ZNF529: variants seen among roughly 807,000 people sequenced by gnomAD.
The protein encoded by ZNF529 is zinc finger protein 529.
A neutral mutation model predicts 10.1 loss-of-function variants in ZNF529; 11 were observed. The observed-to-expected ratio is 1.09, with a 90% CI of 0.69 to 1.81. The LOEUF (loss-of-function observed/expected upper bound fraction) is 1.81. Among genes scored for constraint, ZNF529 ranks in the 40% most tolerant of loss-of-function variants. The pLI, the probability that ZNF529 is intolerant of heterozygous loss-of-function variation, is 0.00. For missense variants in ZNF529, 624 were observed against 666.8 expected (o/e 0.94, Z 0.71); for synonymous variants, 204 against 215.7 (o/e 0.95, Z 0.47).
chr19:36,547,909 G>A lies in ZNF529; in HGVS notation c.649C>T (p.Gln217Ter), dbSNP rs781768172. ...TTCACACCAGTATGAATATTCAGTT[G>A]TAACATACTGGAGTTATCTATCCCA... ...TFGIDNSSML[Q>*]LNIHTGVKPC... The change falls in exon 5 of 5, where the codon CAA (glutamine) becomes TAA (stop). Residue 217 changes from glutamine (Q) to a stop codon, truncating the protein, a stop_gained. Transcript: ENST00000591340. LOFTEE classifies it low-confidence loss of function (END_TRUNC). 4 of 1,612,304 alleles carry A rather than the reference G, an allele frequency of 2.5e-6. No individual in the cohort carries two copies. In the African/African-American group the frequency reaches 5.3e-5, roughly 22 times the overall value.
chr19:36,601,951 T>G (rs2036929592), intron 1 of ZNF529, among the ~76,000 whole-genome samples: 2 of 152,074 alleles, frequency 1.3e-5, no homozygotes, highest in Non-Finnish European at 2.9e-5. Flanking sequence ...TTCCTTTTTT[T>G]AGAGATAAGG....
chr19:36,559,518 A>G (rs1416161806), intron 2 of ZNF529, among the ~76,000 whole-genome samples: 1 of 152,210 alleles, frequency 6.6e-6, no homozygotes, highest in Non-Finnish European at 1.5e-5. Flanking sequence ...CATGTTGGCC[A>G]GGCTGGTCTC....
intron 2 of ZNF529, chr19:36,582,520 A>T (rs2036488100): frequency 1.3e-5 from 2 of 152,118 alleles, no homozygotes; most frequent in Admixed American, 1.3e-4. Context: ...CCTGACTAAC[A>T]TGGTGAAACC....
intron 2 of ZNF529, among the ~76,000 whole-genome samples, chr19:36,588,907 AATT>A (rs2036641242): frequency 6.6e-6 from 1 of 151,190 alleles, no homozygotes; most frequent in African/African-American, 2.4e-5. Flanking sequence ...TCAGCAAATT[AATT>A]GAACCCAAAG....
intron 2 of ZNF529, among the ~76,000 whole-genome samples, chr19:36,586,625 A>AG (rs1164883450): frequency 6.6e-6 from 1 of 152,198 alleles, no homozygotes; most frequent in Non-Finnish European, 1.5e-5. Context: ...AAAGAAAAAA[A>AG]AAAAGCTATT....
upstream of ZNF529, among the ~76,000 whole-genome samples, chr19:36,576,944 ACTTTTT>A (rs902192699): frequency 1.4e-4 from 21 of 147,648 alleles, no homozygotes; most frequent in South Asian, 8.5e-4. Context: ...GAGTGATTCT[ACTTTTT>A]CTTTTTTCTT....
chr19:36,551,272 A>G (rs2035246942), intron 4 of ZNF529, among the ~76,000 whole-genome samples: 1 of 152,218 alleles, frequency 6.6e-6, no homozygotes, highest in Non-Finnish European at 1.5e-5. Flanking sequence ...ATCCAATTCA[A>G]TGCTGGGTCT....
chr19:36,551,791 C>T (rs374692546), intron 4 of ZNF529: 1 of 152,168 alleles, frequency 6.6e-6, no homozygotes, highest in Non-Finnish European at 1.5e-5. Flanking sequence ...TCTGACCACA[C>T]TGTCTGAATT....
rs1047246409 is a variant in ZNF529, at chr19:36,547,797, T to C, written c.761A>G (p.Tyr254Cys). ...GGTCCTTCTGTATTCCTTACATTTA[T>C]AGAACTTCTCATTATGAATTTTCTG... Reference protein sequence around the residue: ...VYQKIHNEKFYKCKEYRRTFE... With the variant: ...VYQKIHNEKFCKCKEYRRTFE... The change falls in exon 5 of 5, where the codon TAT becomes TGT. Residue 254 changes from tyrosine (Y) to cysteine (C), a missense_variant. Physicochemically the swap from Tyr to Cys is radical, Grantham distance 194 (BLOSUM62 -2). Transcript: ENST00000591340. 1.9e-6 allele frequency: 3 copies of C among 1,610,396 alleles called. No homozygotes were observed. The highest frequency in any genetic ancestry group is 1.3e-5 in the African/African-American group (1 of 74,708).
rs376978803 is a variant in ZNF529, at chr19:36,547,840, T to C, written c.718A>G (p.Lys240Glu). 9.3e-5 allele frequency: 150 copies of C among 1,610,368 alleles called. 1 individual carries two copies. Among genetic ancestry groups the C allele is most frequent in the Middle Eastern group, 5.0e-4 (3 of 6,048 alleles). ...MEYGNTCSFY[K>E]DFNVYQKIHN... ...ATTTTCTGGTATACATTAAAGTCTT[T>C]ATAAAAACTACATGTATTCCCATAT... The change falls in exon 5 of 5, where the codon AAA (lysine) becomes GAA (glutamate). Residue 240 changes from lysine (K) to glutamate (E), a missense_variant. By Grantham distance (56) the Lys-to-Glu change is moderately conservative. Transcript: ENST00000591340.
chr19:36,592,369 G>A (rs1489470062), intron 1 of ZNF529, among the ~76,000 whole-genome samples: 1 of 150,792 alleles, frequency 6.6e-6, no homozygotes, highest in African/African-American at 2.4e-5. Context: ...CAAGGCGGGC[G>A]GACTGCCTGA....
intron 2 of ZNF529, among the ~76,000 whole-genome samples, chr19:36,578,629 G>C (rs901505477): frequency 1.3e-5 from 2 of 148,722 alleles, no homozygotes; most frequent in Non-Finnish European, 1.5e-5. Context: ...TTTTTTTTGA[G>C]ATGAAGTGTT....
chr19:36,581,967 A>T (rs530499982), intron 2 of ZNF529: 12 of 152,404 alleles, frequency 7.9e-5, no homozygotes, highest in African/African-American at 2.9e-4. Flanking sequence ...CATATGCTAC[A>T]ATGTGGCTGA....
chr19:36,602,757 C>G (rs1052722739), intron 1 of ZNF529, among the ~76,000 whole-genome samples: 32 of 152,010 alleles, frequency 2.1e-4, no homozygotes, highest in African/African-American at 7.5e-4. Context: ...ATGGAGAAAC[C>G]CCGTCTCTAC....
chr19:36,567,884 C>T (rs1001303878), intron 2 of ZNF529, among the ~76,000 whole-genome samples: 1 of 152,106 alleles, frequency 6.6e-6, no homozygotes, highest in Non-Finnish European at 1.5e-5. Flanking sequence ...ACAGCCTGCA[C>T]GATGTGAAAA....
chr19:36,576,922 C>CAGTTTACT (rs1313771386), upstream of ZNF529, among the ~76,000 whole-genome samples: 1 of 151,140 alleles, frequency 6.6e-6, no homozygotes, highest in African/African-American at 2.4e-5. Context: ...CCACATATCT[C>CAGTTTACT]AGTTTACTAG....
rs2034982350 is a variant in ZNF529, at chr19:36,545,650, C to G, written c.*1216G>C. On this transcript the variant is annotated 3_prime_UTR_variant, in exon 5 of 5. Transcript: ENST00000591340. The stretch of plus-strand genomic sequence containing the variant: ...TGAGATTAGTTAAACCAAAGAAGGT[C>G]TGCTGATTGTTGAAATGCCCAAACC... 1 of 151,984 alleles carries G rather than the reference C, an allele frequency of 6.6e-6. No individual in the cohort carries two copies. The highest frequency in any genetic ancestry group is 2.4e-5 in the African/African-American group (1 of 41,372). The allele number at this position is 151,984 out of a possible 1,614,324, so 9.4% of individuals were successfully genotyped here.
rs2035084655 is a variant in ZNF529, at chr19:36,547,574, A to C, written c.984T>G (p.His328Gln). The C allele has an allele frequency of 1.9e-6, 3 of 1,613,872 alleles. No homozygotes were observed. The highest frequency in any genetic ancestry group is 2.5e-6 in the Non-Finnish European group (3 of 1,179,840). The change falls in exon 5 of 5, where the codon CAT (histidine) becomes CAG (glutamine). Residue 328 changes from histidine (H) to glutamine (Q), a missense_variant. Physicochemically the swap from His to Gln is conservative, Grantham distance 24. Transcript: ENST00000591340. ...GTTTCTCACCAGTATGAATTCTCTG[A>C]TGTTCGGTAAGCTGTGAATGAAATC... ...DFRFHSQLTE[H>Q]QRIHTGEKPY...
At chr19:36,567,828 A>G (rs968024797) in intron 2 of ZNF529, among the ~76,000 whole-genome samples, 1 of 152,206 alleles carries the variant, frequency 6.6e-6, no homozygotes, top group African/African-American at 2.4e-5. Context: ...TATCAAAACT[A>G]AAAGCTTTTG....
Sources: allele counts gnomAD v4.1 joint callset (sites outside exome capture counted in the v4.1 genomes callset), GRCh38; gene constraint gnomAD v4.1.1; transcripts MANE v1.5; gene names NCBI Gene and HGNC (gene_info 2026-07-23, HGNC 2026-07-21).